Variants in ABHD6 observed in about 807,000 individuals in gnomAD.
ABHD6 encodes the protein monoacylglycerol lipase ABHD6.
Under a neutral mutation model 38.8 loss-of-function variants are expected in ABHD6, and 33 were observed. The observed-to-expected ratio is 0.85, with a 90% CI of 0.64 to 1.14. The LOEUF (loss-of-function observed/expected upper bound fraction) is 1.14. Ranked by LOEUF, ABHD6 falls within the 50% of genes most tolerant of loss-of-function variation. The pLI is 0.00. For synonymous variants in ABHD6, 147 were observed against 161.6 expected, an observed-to-expected ratio of 0.91 and a Z score of 0.69; for missense variants, 380 against 422.6, an observed-to-expected ratio of 0.90 and a Z score of 0.88.
In ABHD6 at chr3:58,259,883, CT is replaced by C. The variant is rs1472413246; in HGVS notation, c.119+3180del. ...TCATCTTCTGGCAACCACTCATCTA[CT>C]TCCTGTCTTTTTAGATGTGCCCATT... On this transcript the variant is annotated intron_variant, in intron 3 of 9. Coordinates refer to ENST00000478253, the MANE Select transcript of ABHD6 (RefSeq NM_001320126.2). This position sits in a 1 kb window ranked among gnomAD's most constrained non-coding sequence, Gnocchi z 4.7. Among the ~76,000 whole-genome samples, 3 of 152,158 alleles carry C rather than the reference CT, an allele frequency of 2.0e-5. No homozygotes were observed. The highest frequency in any genetic ancestry group is 7.2e-5 in the African/African-American group (3 of 41,436).
chr3:58,274,868 A>G, intron 7 of ABHD6, 53 bp downstream of exon 7: 1 of 1,578,704 alleles, frequency 6.3e-7, no homozygotes, highest in Non-Finnish European at 8.6e-7. Flanking sequence ...CCCGGGGGCG[A>G]GTACCAGCTT....
At chr3:58,290,291 G>A (rs2097461184) in intron 9 of ABHD6, among the ~76,000 whole-genome samples, 2 of 142,378 alleles carry the variant, frequency 1.4e-5, no homozygotes, top group African/African-American at 2.6e-5. Context: ...GGCCGGGCGG[G>A]GGGCTGACCC....
At position 58,285,773 on chromosome 3, in the gene ABHD6, C is replaced by T. The variant is rs956566410; in HGVS notation, c.837+320C>T. 2.6e-5 allele frequency among the ~76,000 whole-genome samples: 4 copies of T among 152,210 alleles called. No individual in the cohort carries two copies. Among genetic ancestry groups the T allele is most frequent in the African/African-American group, 4.8e-5 (2 of 41,462 alleles). ...GTTTATAATGAAAACTTTTCTTTTT[C>T]GCATCCCAAATTCCATTCTCCATTA... On this transcript the variant is annotated intron_variant, in intron 9 of 9. Coordinates refer to ENST00000478253, the MANE Select transcript of ABHD6 (RefSeq NM_001320126.2). The surrounding 1 kb of genome is among the most constrained non-coding windows in gnomAD (Gnocchi z 4.9).
chr3:58,264,388 C>CG (rs2097439293), intron 3 of ABHD6, among the ~76,000 whole-genome samples: 1 of 1,640 alleles, frequency 6.1e-4, no homozygotes, highest in Admixed American at 6.4e-3. Context: ...TATATAAACG[C>CG]ACACACACAC....
intron 7 of ABHD6, among the ~76,000 whole-genome samples, chr3:58,283,437 T>G (rs2097454736): frequency 6.6e-6 from 1 of 152,220 alleles, no homozygotes; most frequent in Admixed American, 6.5e-5. Flanking sequence ...TGTCTTCCAC[T>G]AGGGACTTTG....
At chr3:58,240,525 GA>G (rs982159786) in intron 1 of ABHD6, among the ~76,000 whole-genome samples, 5 of 151,650 alleles carry the variant, frequency 3.3e-5, no homozygotes, top group Non-Finnish European at 2.9e-5. Flanking sequence ...TCTGCAAGTT[GA>G]AAAAAAATTC....
chr3:58,265,889 T>G lies in ABHD6; in HGVS notation c.120-1300T>G, dbSNP rs2097440562. Among the ~76,000 whole-genome samples the G allele has an allele frequency of 6.6e-6, 1 of 152,178 alleles. No homozygotes were observed. Among genetic ancestry groups the G allele is most frequent in the Non-Finnish European group, 1.5e-5 (1 of 68,036 alleles). ...TCCCTCAATAATAGCATTAATCTAT[T>G]TATGAAGGCAAAACTGTCAGGGCCT... is the stretch of plus-strand genomic sequence containing the variant. On this transcript the variant is annotated intron_variant, in intron 3 of 9. Coordinates refer to ENST00000478253, the MANE Select transcript of ABHD6 (RefSeq NM_001320126.2). This position sits in a 1 kb window ranked among gnomAD's most constrained non-coding sequence, Gnocchi z 4.2.
intron 2 of ABHD6, among the ~76,000 whole-genome samples, chr3:58,253,812 C>T (rs73079726): frequency 0.054 from 8,212 of 152,262 alleles, 323 homozygotes; most frequent in Non-Finnish European, 0.082. Context: ...GCAATTGCAT[C>T]AGAGACAAAG....
Position 58,269,208 on chromosome 3 carries a change from T to C in ABHD6, c.277-113T>C. 1 of 707,308 alleles carries C rather than the reference T, an allele frequency of 1.4e-6. No homozygotes were observed. The highest frequency in any genetic ancestry group is 2.5e-6 in the Non-Finnish European group (1 of 396,778). 43.8% of individuals were successfully genotyped at this position (707,308 alleles called of 1,614,324 possible). A position where few individuals can be genotyped will look rare whatever the true frequency, so the allele number is the denominator to read the frequency against. The stretch of plus-strand genomic sequence containing the variant: ...TAAAACACTGAGTGGCCAAGACCCA[T>C]ACATCCCCAGGGATGGCTGTCTGGG... On this transcript the variant is annotated intron_variant, in intron 4 of 9. Transcript: ENST00000478253. This position sits in a 1 kb window ranked among gnomAD's most constrained non-coding sequence, Gnocchi z 4.4.
rs576396119 is a variant in ABHD6, at chr3:58,273,810, G to A, written c.524-848G>A. Among the ~76,000 whole-genome samples, 1 of 152,224 alleles carries A rather than the reference G, an allele frequency of 6.6e-6. No homozygotes were observed. Among genetic ancestry groups the A allele is most frequent in the East Asian group, 1.9e-4 (1 of 5,176 alleles). On this transcript the variant is annotated intron_variant, in intron 6 of 9. Coordinates refer to ENST00000478253, the MANE Select transcript of ABHD6 (RefSeq NM_001320126.2). The surrounding 1 kb of genome is among the most constrained non-coding windows in gnomAD (Gnocchi z 4.8). Reference sequence around the variant, plus strand: ...AAACCTAGATGACGGGTTGATAGGTGCAGCAAACCACCGTGGCACATGTAT... The same window carrying A: ...AAACCTAGATGACGGGTTGATAGGTACAGCAAACCACCGTGGCACATGTAT...
intron 7 of ABHD6, among the ~76,000 whole-genome samples, chr3:58,281,556 G>A (rs534894590): frequency 6.6e-6 from 1 of 152,338 alleles, no homozygotes; most frequent in Non-Finnish European, 1.5e-5. Flanking sequence ...CTTCCCAGGT[G>A]AGGCGATGCC....
intron 2 of ABHD6, among the ~76,000 whole-genome samples, chr3:58,254,883 C>CAT (rs72555938): frequency 2.0e-4 from 25 of 125,154 alleles, no homozygotes; most frequent in Admixed American, 5.6e-4. Flanking sequence ...CACACACACA[C>CAT]ATATATATAT....
intron 3 of ABHD6, among the ~76,000 whole-genome samples, chr3:58,258,242 G>A (rs1342518941): frequency 3.3e-5 from 5 of 152,176 alleles, no homozygotes; most frequent in Non-Finnish European, 7.3e-5. Context: ...GGGAGGTGGA[G>A]GTTGCGGTGA....
At chr3:58,280,116 C>T (rs2097452008) in intron 7 of ABHD6, among the ~76,000 whole-genome samples, 1 of 152,018 alleles carries the variant, frequency 6.6e-6, no homozygotes, top group African/African-American at 2.4e-5. Context: ...TGTGTATTTC[C>T]TGAATTTGAA....
rs1469542982 is a variant in ABHD6, at chr3:58,263,898, ATAAT to A, written c.120-3285_120-3282del. ...ATGTAAATTACCCATAACCCCTGGA[ATAAT>A]TAATTTTCTTCAATGCTTCTTTTGC... On this transcript the variant is annotated intron_variant, in intron 3 of 9. Transcript: ENST00000478253. The surrounding 1 kb of genome is among the most constrained non-coding windows in gnomAD (Gnocchi z 4.9). 6.6e-6 allele frequency among the ~76,000 whole-genome samples: 1 copy of A among 152,198 alleles called. No homozygotes were observed. The highest frequency in any genetic ancestry group is 2.4e-5 in the African/African-American group (1 of 41,468).
At chr3:58,279,345 T>C (rs1328479026) in intron 7 of ABHD6, among the ~76,000 whole-genome samples, 8 of 152,218 alleles carry the variant, frequency 5.3e-5, no homozygotes, top group Non-Finnish European at 1.2e-4. Flanking sequence ...CCCTTTACCA[T>C]TATGTAATGG....
rs577703142 is a variant in ABHD6, at chr3:58,263,390, CAAA to C, written c.120-3786_120-3784del. On this transcript the variant is annotated intron_variant, in intron 3 of 9. Transcript: ENST00000478253. This position sits in a 1 kb window ranked among gnomAD's most constrained non-coding sequence, Gnocchi z 4.9. ...AGGCAACGAGAGTGAAACTCCATCT[CAAA>C]AAAAAAAAAAAAGAAAAAATATTAG... 3.5e-5 allele frequency among the ~76,000 whole-genome samples: 3 copies of C among 85,050 alleles called. No individual in the cohort carries two copies. Among genetic ancestry groups the C allele is most frequent in the Non-Finnish European group, 4.9e-5 (2 of 40,732 alleles). 55.8% of individuals were successfully genotyped at this position (85,050 alleles called of 152,430 possible).
chr3:58,281,858 G>C (rs992995364), intron 7 of ABHD6, among the ~76,000 whole-genome samples: 2 of 152,208 alleles, frequency 1.3e-5, no homozygotes, highest in African/African-American at 4.8e-5. Flanking sequence ...GTTCATGCCT[G>C]TAATCCTAGC....
chr3:58,284,739 C>T (rs2097455732), intron 7 of ABHD6, among the ~76,000 whole-genome samples: 1 of 152,130 alleles, frequency 6.6e-6, no homozygotes, highest in Non-Finnish European at 1.5e-5. Context: ...GCATGAGCCA[C>T]CATGCCCGGC....
Sources: gnomAD v4.1 joint callset for allele counts (sites outside exome capture counted in the v4.1 genomes callset) on GRCh38, gnomAD v4.1.1 for gene constraint, Gnocchi (gnomAD v3.1) non-coding constraint, MANE v1.5 for transcripts, NCBI Gene and HGNC (gene_info 2026-07-23, HGNC 2026-07-21) for gene names.